The following GSG1 variants were observed in gnomAD, a reference collection of about 807,000 sequenced individuals.
GSG1 encodes germ cell-specific gene 1 protein.
A neutral mutation model predicts 30.8 loss-of-function variants in GSG1; 28 were observed. That is an observed-to-expected ratio of 0.91 (90% CI 0.67 to 1.25). The LOEUF (loss-of-function observed/expected upper bound fraction) is 1.25, where lower values mean the gene tolerates loss of function less well. Among genes scored for constraint, GSG1 ranks in the 50% most tolerant of loss-of-function variants. The pLI, the probability that GSG1 is intolerant of heterozygous loss-of-function variation, is 0.00. For synonymous variants in GSG1, 162 were observed against 178.0 expected (o/e 0.91, Z 0.71); for missense variants, 435 against 444.7 (o/e 0.98, Z 0.20).
Position 13,103,470 on chromosome 12 carries a change from G to A in GSG1, c.43C>T (p.Gln15Ter), listed in dbSNP as rs1228448912. ...SQLTQNVCLTQEMELSKAFSG... is the reference protein window; with the variant it reads ...SQLTQNVCLT ...TTCAAAATCACTGTACCTACCTCCT[G>A]GGTGAGGCAAACATTTTGAGTCAGT... Residue 15 changes from glutamine to a stop codon, truncating the protein, a stop_gained, in exon 1 of 7, where the codon CAG (glutamine) becomes TAG (stop). Transcript: ENST00000651961. LOFTEE classifies it high-confidence loss of function. 1 of 1,612,786 alleles carries A rather than the reference G, an allele frequency of 6.2e-7. No homozygotes were observed. Among genetic ancestry groups the A allele is most frequent in the Admixed American group, 1.7e-5 (1 of 60,022 alleles).
In GSG1 at chr12:13,090,378, G is replaced by T. The variant is rs187145935; in HGVS notation, c.364+125C>A. On this transcript the variant is annotated intron_variant, in intron 2 of 6. Coordinates refer to ENST00000651961, the MANE Select transcript of GSG1 (RefSeq NM_001080555.4). ...GGAGAAGGGAGTGAGGCCCACTGGG[G>T]TGTGGGCAGTGCTGCACTTCCAGGG... 296 of 789,128 alleles carry T rather than the reference G, an allele frequency of 3.8e-4. 2 individuals carry two copies. The African/African-American group carries it at 4.7e-3, about 13-fold the overall frequency. 48.9% of individuals were successfully genotyped at this position (789,128 alleles called of 1,614,324 possible). A position where few individuals can be genotyped will look rare whatever the true frequency, so the allele number is the denominator to read the frequency against.
chr12:13,095,900 C>G, intron 1 of GSG1: 13 of 871,180 alleles, frequency 1.5e-5, no homozygotes, highest in Non-Finnish European at 2.2e-5. Flanking sequence ...CAAGGACCTG[C>G]AATTTGCAGA....
rs556077791 is a variant in GSG1 at position 13,093,162 on chromosome 12, T to G, written c.49-2344A>C. ...ACATATAAATATATAATTATATAAT[T>G]AATAATTGACAAGGCAATTGATAAC... On this transcript the variant is annotated intron_variant, in intron 1 of 6. Transcript: ENST00000651961. This position sits in a 1 kb window ranked among gnomAD's most constrained non-coding sequence, Gnocchi z 4.6. 3.6e-4 allele frequency among the ~76,000 whole-genome samples: 54 copies of G among 151,768 alleles called. 1 individual carries two copies. In the South Asian group the frequency reaches 0.011, roughly 30 times the overall value.
Position 13,084,872 on chromosome 12 carries a change from C to A in GSG1, c.*29G>T. 1 of 1,442,620 alleles carries A rather than the reference C, an allele frequency of 6.9e-7. No homozygotes were observed. The highest frequency in any genetic ancestry group is 9.4e-7 in the Non-Finnish European group (1 of 1,062,466). 89.4% of individuals were successfully genotyped at this position (1,442,620 alleles called of 1,614,324 possible). On this transcript the variant is annotated 3_prime_UTR_variant, in exon 7 of 7. Transcript: ENST00000651961. ...ATCAGCAGACGTGTAAGGTAGGGCT[C>A]AAGCCTACTCCCCAAACCCGCTTAA... is the stretch of plus-strand genomic sequence containing the variant.
At chr12:13,097,038 C>T (rs1461395383) in intron 1 of GSG1, among the ~76,000 whole-genome samples, 4 of 151,932 alleles carry the variant, frequency 2.6e-5, no homozygotes, top group African/African-American at 4.8e-5. Flanking sequence ...TGCAGTGAGC[C>T]GAGATTGTGC....
At chr12:13,095,221 G>T (rs1440541221) in intron 1 of GSG1, among the ~76,000 whole-genome samples, 1 of 152,134 alleles carries the variant, frequency 6.6e-6, no homozygotes, top group Non-Finnish European at 1.5e-5. Flanking sequence ...TCCTGCTAGG[G>T]TCGGGATACC....
At chr12:13,099,740 GTTTTTTTTTGTTTTTT>G (rs1275156678) in intron 1 of GSG1, among the ~76,000 whole-genome samples, 5 of 95,814 alleles carry the variant, frequency 5.2e-5, no homozygotes, top group East Asian at 3.7e-4. Flanking sequence ...GGGATCCGGT[GTTTTTTTTTGTTTTTT>G]TTTTTTTTTT....
At chr12:13,098,576 C>T (rs1179907115) in intron 1 of GSG1, among the ~76,000 whole-genome samples, 1 of 137,174 alleles carries the variant, frequency 7.3e-6, no homozygotes, top group Non-Finnish European at 1.5e-5. Flanking sequence ...TCAGAAAATA[C>T]AGTTAGCCAA....
At position 13,084,953 on chromosome 12, in the gene GSG1, C is replaced by T. The variant is rs746633593; in HGVS notation, c.1037G>A (p.Ser346Asn). The T allele has an allele frequency of 6.4e-6, 10 of 1,551,718 alleles. No individual in the cohort carries two copies. The Admixed American group carries it at 1.8e-4, about 27-fold the overall frequency. Residue 346 changes from serine (S) to asparagine (N), a missense_variant, in exon 7 of 7, where the codon AGC becomes AAC. Transcript: ENST00000651961. ...CCTAACTGCTTCTTTCAGCTCCTGG[C>T]TGGCCCCTCTTTGAAATCCCTTGTT... ...LRNKGFQRGA[S>N]QELKEAVRSS... is the part of the protein sequence containing the mutation.
At chr12:13,088,805 G>A (rs760582393) in intron 4 of GSG1, 57 bp downstream of exon 4, 30 of 1,614,036 alleles carry the variant, frequency 1.9e-5, no homozygotes, top group Middle Eastern at 1.6e-4. Context: ...CCTCCAAATC[G>A]GAGAGTGGGG....
chr12:13,087,886 C>G (rs199682106), intron 5 of GSG1, 21 bp downstream of exon 5: 204 of 1,611,308 alleles, frequency 1.3e-4, no homozygotes, highest in Non-Finnish European at 1.6e-4. Flanking sequence ...ACCACCCTCT[C>G]TCACTCCAGG....
At chr12:13,094,896 C>T (rs1044769587) in intron 1 of GSG1, among the ~76,000 whole-genome samples, 3 of 152,144 alleles carry the variant, frequency 2.0e-5, no homozygotes, top group East Asian at 3.8e-4. Flanking sequence ...AAGTTATTCT[C>T]GGGGTTATTC....
chr12:13,093,955 T>C lies in GSG1; in HGVS notation c.49-3137A>G, dbSNP rs1331235075. Among the ~76,000 whole-genome samples, 5 of 152,244 alleles carry C rather than the reference T, an allele frequency of 3.3e-5. No individual in the cohort carries two copies. Among genetic ancestry groups the C allele is most frequent in the Non-Finnish European group, 5.9e-5 (4 of 68,042 alleles). On this transcript the variant is annotated intron_variant, in intron 1 of 6. Transcript: ENST00000651961. This position sits in a 1 kb window ranked among gnomAD's most constrained non-coding sequence, Gnocchi z 4.6. ...GTAATTTGGCAAGTCTCTCACTTTG[T>C]GTTAGAGCAGTTTATACAGTTATAT...
rs74063234 is a variant in GSG1 at position 13,095,361 on chromosome 12, G to A, written c.49-4543C>T. Among the ~76,000 whole-genome samples, 5,502 of 152,234 alleles carry A rather than the reference G, an allele frequency of 0.036. 314 individuals carry two copies. The highest frequency in any genetic ancestry group is 0.12 in the African/African-American group (5,143 of 41,514). On this transcript the variant is annotated intron_variant, in intron 1 of 6. Transcript: ENST00000651961. ...CCCATGCCAAGGTGACTCTTTACTC[G>A]CTAGAAAAGGGACAGAGTGGTTTCT... is the stretch of plus-strand genomic sequence containing the variant.
chr12:13,100,350 T>A (rs1863109290), intron 1 of GSG1, among the ~76,000 whole-genome samples: 1 of 152,186 alleles, frequency 6.6e-6, no homozygotes, highest in Admixed American at 6.5e-5. Flanking sequence ...CCCTAAGCCT[T>A]TCCAGGCAGA....
chr12:13,099,759 T>TTGTTTTG (rs1555128122), intron 1 of GSG1, among the ~76,000 whole-genome samples: 16 of 144,798 alleles, frequency 1.1e-4, no homozygotes, highest in African/African-American at 2.3e-4. Context: ...TGTTTTTTTT[T>TTGTTTTG]TTTTTTTTTG....
Position 13,090,589 on chromosome 12 carries a change from T to C in GSG1, c.278A>G (p.Asn93Ser). 6.2e-7 allele frequency: 1 copy of C among 1,614,130 alleles called. No individual in the cohort carries two copies. Among genetic ancestry groups the C allele is most frequent in the Non-Finnish European group, 8.5e-7 (1 of 1,179,996 alleles). ...GAACCGGTCATCCCCAGTCTCCCAG[T>C]TGTATTGTACCACCTCCTGGGTGGA... ...NTSTQEVVQY[N>S]WETGDDRFSF... The change falls in exon 2 of 7, where the codon AAC (asparagine) becomes AGC (serine). Residue 93 changes from asparagine to serine, a missense_variant. Asn to Ser is a conservative substitution (Grantham distance 46, BLOSUM62 1). Coordinates refer to ENST00000651961, the MANE Select transcript of GSG1 (RefSeq NM_001080555.4).
chr12:13,097,061 A>G (rs1386666576), intron 1 of GSG1, among the ~76,000 whole-genome samples: 3 of 152,044 alleles, frequency 2.0e-5, no homozygotes, highest in Non-Finnish European at 4.4e-5. Context: ...CTGCACTCCA[A>G]CCTGGGCCAC....
intron 3 of GSG1, 69 bp from the exon 4 acceptor site, chr12:13,088,978 C>G: frequency 6.4e-7 from 1 of 1,563,236 alleles, no homozygotes; most frequent in African/African-American, 1.3e-5. Context: ...CCTTCCCCAC[C>G]CCATAACTGG....
Sources: gnomAD v4.1 joint callset for allele counts (sites outside exome capture counted in the v4.1 genomes callset) on GRCh38, gnomAD v4.1.1 for gene constraint, Gnocchi (gnomAD v3.1) non-coding constraint, MANE v1.5 for transcripts, NCBI Gene and HGNC (gene_info 2026-07-23, HGNC 2026-07-21) for gene names.